The following ORC2 variants were observed in gnomAD, a reference collection of about 807,000 sequenced individuals.
ORC2 encodes the protein origin recognition complex subunit 2.
A neutral mutation model predicts 77.7 loss-of-function variants in ORC2; 37 were observed. That is an observed-to-expected ratio of 0.48 (90% CI 0.37 to 0.63). The LOEUF is 0.63. Ranked by LOEUF, ORC2 falls within the 20% of genes least tolerant of loss-of-function variation. The pLI, the probability that ORC2 is intolerant of heterozygous loss-of-function variation, is 0.00. For synonymous variants in ORC2, 201 were observed against 229.5 expected (o/e 0.88, Z 1.12); for missense variants, 557 against 661.9 (o/e 0.84, Z 1.74).
chr2:200,961,887 CA>C (rs1575192213), intron 1 of ORC2, among the ~76,000 whole-genome samples: 1 of 152,180 alleles, frequency 6.6e-6, no homozygotes, highest in East Asian at 1.9e-4. Context: ...TTCTTATTGG[CA>C]AAAGTTTAGT....
At chr2:200,961,011 G>A (rs1273182699) in intron 1 of ORC2, among the ~76,000 whole-genome samples, 2 of 152,004 alleles carry the variant, frequency 1.3e-5, no homozygotes, top group Admixed American at 1.3e-4. Flanking sequence ...TCTTGAACTC[G>A]TGATTGGCCC....
chr2:200,937,977 A>G lies in ORC2; in HGVS notation c.454-11T>C, dbSNP rs2124993184. 6.4e-7 allele frequency: 1 copy of G among 1,572,300 alleles called. No homozygotes were observed. The highest frequency in any genetic ancestry group is 1.1e-5 in the South Asian group (1 of 87,736). On this transcript the variant is annotated splice_polypyrimidine_tract_variant and intron_variant, in intron 7 of 17. Transcript: ENST00000234296. ...ACTTTTGTCATTGTTCTGTTTAGAA[A>G]TAGAAAAAGCATTAAATAATAACAT...
intron 15 of ORC2, among the ~76,000 whole-genome samples, chr2:200,916,972 G>A (rs1238363893): frequency 7.0e-6 from 1 of 143,788 alleles, no homozygotes; most frequent in Non-Finnish European, 1.5e-5. Flanking sequence ...GGGATTACAG[G>A]TGTGAGCCAC....
At chr2:200,932,177 A>G (rs1421952831) in intron 10 of ORC2, among the ~76,000 whole-genome samples, 1 of 152,174 alleles carries the variant, frequency 6.6e-6, no homozygotes, top group East Asian at 1.9e-4. Flanking sequence ...GTAGTTAAAA[A>G]AAAACAACTC....
intron 11 of ORC2, among the ~76,000 whole-genome samples, chr2:200,929,785 TAAAAAG>T (rs1478441050): frequency 6.7e-6 from 1 of 149,210 alleles, no homozygotes; most frequent in Non-Finnish European, 1.5e-5. Flanking sequence ...GACTGTCTCT[TAAAAAG>T]AAAAGAAAAA....
rs1488490107 is a variant in ORC2, at chr2:200,963,545, CCGCTGAGT to C, written c.-123_-116del. The C allele has an allele frequency of 1.5e-5, 6 of 398,522 alleles. No homozygotes were observed. The highest frequency in any genetic ancestry group is 2.7e-5 in the Non-Finnish European group (6 of 226,046). 24.7% of individuals were successfully genotyped at this position (398,522 alleles called of 1,614,324 possible). A position where few individuals can be genotyped will look rare whatever the true frequency, so the allele number is the denominator to read the frequency against. ...TGCGTCACGCCGGCCGAACGACACC[CCGCTGAGT>C]CGCCGCCGCAGGGAAGGTACCTTCG... On this transcript the variant is annotated 5_prime_UTR_variant, in exon 1 of 18. Transcript: ENST00000234296.
At chr2:200,935,521 CA>C (rs1324575839) in intron 9 of ORC2, among the ~76,000 whole-genome samples, 177 bp downstream of exon 9, 1 of 152,050 alleles carries the variant, frequency 6.6e-6, no homozygotes, top group Non-Finnish European at 1.5e-5. Context: ...GTAGACAGGC[CA>C]GAAAAGAAAG....
chr2:200,935,575 G>C (rs2041025727), intron 9 of ORC2, 124 bp downstream of exon 9: 3 of 708,748 alleles, frequency 4.2e-6, no homozygotes, highest in Admixed American at 3.3e-5. Context: ...TATGTGGAAG[G>C]CTGAGAAAAT....
chr2:200,928,726 A>G (rs1202641788), intron 11 of ORC2, among the ~76,000 whole-genome samples: 1 of 151,692 alleles, frequency 6.6e-6, no homozygotes, highest in Non-Finnish European at 1.5e-5. Context: ...AGGCAGGAGA[A>G]TGGCGTGAAC....
intron 10 of ORC2, among the ~76,000 whole-genome samples, chr2:200,931,831 A>G (rs921086736): frequency 2.6e-5 from 4 of 152,190 alleles, no homozygotes; most frequent in African/African-American, 4.8e-5. Flanking sequence ...AGCTGTTTCT[A>G]ACAAATCCTT....
intron 1 of ORC2, chr2:200,963,183 G>A (rs1213361535): frequency 2.8e-6 from 1 of 352,448 alleles, no homozygotes; most frequent in Non-Finnish European, 5.1e-6. Context: ...CTGCGGGGCA[G>A]ACTAACGAAA....
chr2:200,955,489 T>C (rs2041451047), intron 4 of ORC2, among the ~76,000 whole-genome samples: 1 of 152,256 alleles, frequency 6.6e-6, no homozygotes, highest in Non-Finnish European at 1.5e-5. Flanking sequence ...ATTCCAATTA[T>C]ATGCTATTTC....
intron 17 of ORC2, among the ~76,000 whole-genome samples, chr2:200,911,823 G>T (rs559502751): frequency 1.3e-5 from 2 of 152,134 alleles, no homozygotes; most frequent in African/African-American, 4.8e-5. Context: ...CATTATCTCT[G>T]CACTTCTCCA....
chr2:200,917,068 C>T (rs529226645), intron 15 of ORC2, among the ~76,000 whole-genome samples: 1 of 147,762 alleles, frequency 6.8e-6, no homozygotes, highest in Non-Finnish European at 1.5e-5. Context: ...GATCTTAGCT[C>T]AATGCAACCT....
Position 200,957,486 on chromosome 2 carries a change from C to T in ORC2, c.153G>A (p.Lys51=). The change falls in exon 4 of 18, where the codon AAG becomes AAA. Residue 51 remains lysine, a synonymous_variant. Coordinates refer to ENST00000234296, the MANE Select transcript of ORC2 (RefSeq NM_006190.5). The stretch of plus-strand genomic sequence containing the variant: ...CTTCCTCCAAATCATATTCTGGCTT[C>T]TTTATTATTTTTTTGGGGTTGACCA... ...QLLVNPKKII[K]KPEYDLEEDD... is the part of the protein sequence containing the mutation. The T allele has an allele frequency of 6.2e-7, 1 of 1,611,010 alleles. No individual in the cohort carries two copies. The highest frequency in any genetic ancestry group is 8.5e-7 in the Non-Finnish European group (1 of 1,178,588).
intron 1 of ORC2, among the ~76,000 whole-genome samples, chr2:200,960,664 A>C (rs1203058608): frequency 6.6e-6 from 1 of 152,210 alleles, no homozygotes; most frequent in African/African-American, 2.4e-5. Flanking sequence ...CCCAACTTAC[A>C]AATGAGTAAA....
intron 11 of ORC2, among the ~76,000 whole-genome samples, chr2:200,930,499 A>T (rs553139065): frequency 3.3e-3 from 492 of 148,084 alleles, no homozygotes; most frequent in South Asian, 7.4e-3. Flanking sequence ...TTCCCTTCCT[A>T]GCATAACTTT....
intron 15 of ORC2, among the ~76,000 whole-genome samples, chr2:200,916,594 G>C (rs1204678054): frequency 2.6e-5 from 4 of 152,236 alleles, no homozygotes; most frequent in African/African-American, 9.6e-5. Flanking sequence ...TCCTTCAGCA[G>C]TTAAGGACTT....
At chr2:200,916,653 A>G (rs907014546) in intron 15 of ORC2, among the ~76,000 whole-genome samples, 15 of 152,354 alleles carry the variant, frequency 9.8e-5, no homozygotes, top group East Asian at 5.8e-4. Flanking sequence ...CCCCAATTCC[A>G]TCAAAAAATT....
Sources: allele counts gnomAD v4.1 joint callset (sites outside exome capture counted in the v4.1 genomes callset), GRCh38; gene constraint gnomAD v4.1.1; transcripts MANE v1.5; gene names NCBI Gene and HGNC (gene_info 2026-07-23, HGNC 2026-07-21).